The following CTSF variants were observed in gnomAD, a reference collection of about 807,000 sequenced individuals.
CTSF encodes the protein cathepsin F.
A neutral mutation model predicts 63.5 loss-of-function variants in CTSF; 65 were observed. That is an observed-to-expected ratio of 1.02 (90% CI 0.84 to 1.26). CTSF has a LOEUF of 1.26. CTSF is among the 50% of genes most tolerant of loss of function. The pLI, the probability that CTSF is intolerant of heterozygous loss-of-function variation, is 0.00. For missense variants in CTSF, 641 were observed against 631.0 expected, an observed-to-expected ratio of 1.02 and a Z score of -0.17; for synonymous variants, 256 against 258.1, an observed-to-expected ratio of 0.99 and a Z score of 0.08.
Position 66,566,588 on chromosome 11 carries a change from CAA to C in CTSF, c.608-186_608-185del, listed in dbSNP as rs1857937954. ...AACTGAAGTGATGACTTCCCAGGTG[CAA>C]AAGCAGTAAATGGGGTCTAAAGGAC... On this transcript the variant is annotated intron_variant, in intron 4 of 12. Transcript: ENST00000310325. Among the ~76,000 whole-genome samples, 3 of 152,004 alleles carry C rather than the reference CAA, an allele frequency of 2.0e-5. No homozygotes were observed. In the South Asian group the frequency reaches 6.2e-4, roughly 32 times the overall value.
In CTSF at chr11:66,564,586, A is replaced by T; in HGVS notation, c.1293T>A (p.His431Gln). Reference protein sequence around the residue: ...RPLCSPWLIDHAVLLVGYGNR... With the variant: ...RPLCSPWLIDQAVLLVGYGNR... ...TGCCGTAGCCCACAAGCAACACCGC[A>T]TGGTCAATGAGCCAAGGGCTGCAGA... Residue 431 changes from histidine to glutamine, a missense_variant, in exon 11 of 13, where the codon CAT becomes CAA. Physicochemically the swap from His to Gln is conservative, Grantham distance 24. Coordinates refer to ENST00000310325, the MANE Select transcript of CTSF (RefSeq NM_003793.4). 1 of 1,585,594 alleles carries T rather than the reference A, an allele frequency of 6.3e-7. No individual in the cohort carries two copies. Among genetic ancestry groups the T allele is most frequent in the Non-Finnish European group, 8.6e-7 (1 of 1,166,610 alleles).
rs751230557 is a variant in CTSF, at chr11:66,567,442, A to G, written c.531+2T>C. 1.2e-6 allele frequency: 2 copies of G among 1,613,920 alleles called. No individual in the cohort carries two copies. Among genetic ancestry groups the G allele is most frequent in the South Asian group, 1.1e-5 (1 of 91,080 alleles). On this transcript the variant is annotated splice_donor_variant, in intron 3 of 12. Coordinates refer to ENST00000310325, the MANE Select transcript of CTSF (RefSeq NM_003793.4). LOFTEE classifies it high-confidence loss of function. Reference sequence around the variant, plus strand: ...GGGCTCCTCAAGCTGAGGGCTCCTCACCTGGGACAGGGGATCCTCATTCAA... The same window carrying G: ...GGGCTCCTCAAGCTGAGGGCTCCTCGCCTGGGACAGGGGATCCTCATTCAA...
chr11:66,563,726 A>C lies in CTSF; in HGVS notation c.*207T>G, dbSNP rs908233459. The C allele has an allele frequency of 7.9e-6, 5 of 629,992 alleles. No homozygotes were observed. In the Admixed American group the frequency reaches 1.5e-4, roughly 18 times the overall value. 39.0% of individuals were successfully genotyped at this position (629,992 alleles called of 1,614,324 possible). On this transcript the variant is annotated 3_prime_UTR_variant, in exon 13 of 13. Transcript: ENST00000310325. ...CATCCTCCTAAGCTACCACAATTCA[A>C]CAAAGGTGCAGGTGCAGAACTTCAG...
At chr11:66,566,606 T>C (rs1452170902) in intron 4 of CTSF, among the ~76,000 whole-genome samples, 2 of 151,756 alleles carry the variant, frequency 1.3e-5, no homozygotes, top group African/African-American at 4.8e-5. Context: ...GTAAATGGGG[T>C]CTAAAGGACA....
Position 66,564,604 on chromosome 11 carries a change from G to A in CTSF, c.1275C>T (p.Ser425=), listed in dbSNP as rs1857884897. The A allele has an allele frequency of 6.3e-7, 1 of 1,598,030 alleles. No homozygotes were observed. Among genetic ancestry groups the A allele is most frequent in the African/African-American group, 1.3e-5 (1 of 74,816 alleles). ...ACACCGCATGGTCAATGAGCCAAGG[G>A]CTGCAGAGGGGCCGGAGAGGGCGGG... ...GISRPLRPLC[S]PWLIDHAVLL... The change falls in exon 11 of 13, where the codon AGC becomes AGT. Residue 425 remains serine, a synonymous_variant. Coordinates refer to ENST00000310325, the MANE Select transcript of CTSF (RefSeq NM_003793.4).
rs1463137336 is a variant in CTSF at position 66,567,999 on chromosome 11, C to T, written c.297G>A (p.Val99=). 2 of 1,593,768 alleles carry T rather than the reference C, an allele frequency of 1.3e-6. No homozygotes were observed. The highest frequency in any genetic ancestry group is 3.7e-5 in the Admixed American group (2 of 54,246). Residue 99 remains valine (V), a synonymous_variant, in exon 2 of 13, where the codon GTG becomes GTA. Coordinates refer to ENST00000310325, the MANE Select transcript of CTSF (RefSeq NM_003793.4). ...CATCACTCACCAGGGTTTTCTTGGACACGGGGAGCCGGCACACCATGGGGT... is the reference window on the plus strand; with the variant it reads ...CATCACTCACCAGGGTTTTCTTGGATACGGGGAGCCGGCACACCATGGGGT... The part of the protein sequence containing the change: ...CNDPMVCRLP[V]SKKTLLCSFQ...
At position 66,563,649 on chromosome 11, in the gene CTSF, C is replaced by A. The variant is rs992070411; in HGVS notation, c.*284G>T. The A allele has an allele frequency of 3.0e-5, 17 of 568,214 alleles. No homozygotes were observed. The highest frequency in any genetic ancestry group is 5.3e-5 in the Non-Finnish European group (17 of 318,612). 35.2% of individuals were successfully genotyped at this position (568,214 alleles called of 1,614,324 possible). On this transcript the variant is annotated 3_prime_UTR_variant, in exon 13 of 13. Coordinates refer to ENST00000310325, the MANE Select transcript of CTSF (RefSeq NM_003793.4). The stretch of plus-strand genomic sequence containing the variant: ...ATTTTCTTCCTGCTCATTACCCAAG[C>A]CCAGAGTTCTTGCCCCAGCTTCAAC...
At position 66,566,979 on chromosome 11, in the gene CTSF, C is replaced by T. The variant is rs148479758; in HGVS notation, c.607+267G>A. 6.7e-3 allele frequency among the ~76,000 whole-genome samples: 1,012 copies of T among 152,162 alleles called. 10 individuals are homozygous for T. Among genetic ancestry groups the T allele is most frequent in the African/African-American group, 0.023 (944 of 41,492 alleles). On this transcript the variant is annotated intron_variant, in intron 4 of 12. Coordinates refer to ENST00000310325, the MANE Select transcript of CTSF (RefSeq NM_003793.4). The stretch of plus-strand genomic sequence containing the variant: ...CTGACCTCAGGTAATCTGCCCACCT[C>T]GGCCTCCCAAAGTACTGCGATTACA...
At chr11:66,566,685 T>G (rs1190462017) in intron 4 of CTSF, among the ~76,000 whole-genome samples, 1 of 150,536 alleles carries the variant, frequency 6.6e-6, no homozygotes, top group Non-Finnish European at 1.5e-5. Flanking sequence ...ATCCAGCCTC[T>G]GCCCCATCCC....
intron 9 of CTSF, 38 bp from the exon 10 acceptor site, chr11:66,564,844 C>T (rs199885470): frequency 9.3e-6 from 15 of 1,613,980 alleles, no homozygotes; most frequent in African/African-American, 1.3e-5. Context: ...GGCACCCAGG[C>T]CCCGGCCCCA....
chr11:66,564,329 G>A (rs1049849819), intron 11 of CTSF, 183 bp from the exon 12 acceptor site: 50 of 811,366 alleles, frequency 6.2e-5, no homozygotes, highest in South Asian at 9.1e-5. Context: ...GAGGAAGCAC[G>A]CACCCACCCG....
Position 66,564,610 on chromosome 11 carries a change from G to C in CTSF, c.1269C>G (p.Leu423=). The part of the protein sequence containing the change: ...RHGISRPLRP[L]CSPWLIDHAV... The stretch of plus-strand genomic sequence containing the variant: ...CATGGTCAATGAGCCAAGGGCTGCA[G>C]AGGGGCCGGAGAGGGCGGGAGATCC... Residue 423 remains leucine, a synonymous_variant, in exon 11 of 13, where the codon CTC becomes CTG. Transcript: ENST00000310325. 4 of 1,601,626 alleles carry C rather than the reference G, an allele frequency of 2.5e-6. No homozygotes were observed. Among genetic ancestry groups the C allele is most frequent in the Non-Finnish European group, 3.4e-6 (4 of 1,174,452 alleles).
Position 66,565,764 on chromosome 11 carries a change from A to G in CTSF, c.965-13T>C, listed in dbSNP as rs888913381. 6.1e-5 allele frequency: 98 copies of G among 1,613,942 alleles called. No homozygotes were observed. In the East Asian group the frequency reaches 1.9e-3, roughly 31 times the overall value. ...CAGTCCAAGAGCTCTAGGAGACAGAAGGCTGGTCCCAAGAAGCCCTCCTGA... is the reference window on the plus strand; with the variant it reads ...CAGTCCAAGAGCTCTAGGAGACAGAGGGCTGGTCCCAAGAAGCCCTCCTGA... On this transcript the variant is annotated splice_polypyrimidine_tract_variant and intron_variant, in intron 7 of 12. Coordinates refer to ENST00000310325, the MANE Select transcript of CTSF (RefSeq NM_003793.4).
At chr11:66,567,131 G>T (rs1857947806) in intron 4 of CTSF, 115 bp downstream of exon 4, 5 of 1,057,330 alleles carry the variant, frequency 4.7e-6, no homozygotes, top group Non-Finnish European at 7.3e-6. Flanking sequence ...GGAATTATGG[G>T]GTCCTTGAAC....
In CTSF at chr11:66,568,018, A is replaced by C. The variant is rs1294501674; in HGVS notation, c.278T>G (p.Met93Arg). ...TLEEPPCNDP[M>R]VCRLPVSKKT... is the part of the protein sequence containing the mutation. ...CTTGGACACGGGGAGCCGGCACACC[A>C]TGGGGTCGTTGCAGGGTGGCTCCTC... The change falls in exon 2 of 13, where the codon ATG becomes AGG. Residue 93 changes from methionine to arginine, a missense_variant. By Grantham distance (91) the Met-to-Arg change is moderately conservative. Transcript: ENST00000310325. 6.2e-7 allele frequency: 1 copy of C among 1,601,542 alleles called. No homozygotes were observed. Among genetic ancestry groups the C allele is most frequent in the Non-Finnish European group, 8.5e-7 (1 of 1,175,080 alleles).
At chr11:66,567,200 A>T in intron 4 of CTSF, 46 bp downstream of exon 4, 1 of 1,592,128 alleles carries the variant, frequency 6.3e-7, no homozygotes, top group South Asian at 1.1e-5. Context: ...TTGGGGGGAA[A>T]GTCCTGTTCT....
At chr11:66,565,555 G>C in intron 8 of CTSF, 116 bp downstream of exon 8, 1 of 1,436,990 alleles carries the variant, frequency 7.0e-7, no homozygotes, top group African/African-American at 1.4e-5. Context: ...TCAGCATTAA[G>C]ACCTGGACCC....
rs773508005 is a variant in CTSF, at chr11:66,568,083, C to T, written c.214-1G>A. On this transcript the variant is annotated splice_acceptor_variant, in intron 1 of 12. Coordinates refer to ENST00000310325, the MANE Select transcript of CTSF (RefSeq NM_003793.4). LOFTEE classifies it high-confidence loss of function. ...GGGAGTACAGCGACCCCTGACCCGC[C>T]TGGAGAGAGGAGTAGGTGAGGCGGG... 6.2e-7 allele frequency: 1 copy of T among 1,605,088 alleles called. No homozygotes were observed.
chr11:66,564,660 G>A lies in CTSF; in HGVS notation c.1231-12C>T. The A allele has an allele frequency of 1.1e-5, 17 of 1,612,622 alleles. No individual in the cohort carries two copies. Among genetic ancestry groups the A allele is most frequent in the Non-Finnish European group, 1.4e-5 (17 of 1,179,248 alleles). ...CCGTGGCGGTAAAACTGGAGGTGGAGAAGGAGTAGGGGATCGACTCCAAGA... is the reference window on the plus strand; with the variant it reads ...CCGTGGCGGTAAAACTGGAGGTGGAAAAGGAGTAGGGGATCGACTCCAAGA... On this transcript the variant is annotated splice_polypyrimidine_tract_variant and intron_variant, in intron 10 of 12. Coordinates refer to ENST00000310325, the MANE Select transcript of CTSF (RefSeq NM_003793.4).
Sources: allele counts gnomAD v4.1 joint callset (sites outside exome capture counted in the v4.1 genomes callset), GRCh38; gene constraint gnomAD v4.1.1; transcripts MANE v1.5; gene names NCBI Gene and HGNC (gene_info 2026-07-23, HGNC 2026-07-21).